Variants in SH3GL3 observed in about 807,000 individuals in gnomAD.
SH3GL3 encodes endophilin-A3.
Under a neutral mutation model 47.7 loss-of-function variants are expected in SH3GL3, and 33 were observed. That is an observed-to-expected ratio of 0.69 (90% CI 0.52 to 0.92). SH3GL3 has a LOEUF of 0.92. Ranked by LOEUF, SH3GL3 falls within the 40% of genes least tolerant of loss-of-function variation. The pLI is 0.00. For missense variants in SH3GL3, 363 were observed against 417.8 expected (o/e 0.87, Z 1.14); for synonymous variants, 155 against 148.8 (o/e 1.04, Z -0.30).
rs774027877 is a variant in SH3GL3 at position 83,572,715 on chromosome 15, A to G, written c.465+17A>G. 7 of 1,561,422 alleles carry G rather than the reference A, an allele frequency of 4.5e-6. No homozygotes were observed. The Admixed American group carries it at 1.0e-4, about 23-fold the overall frequency. ...GAGATCGGGGTAAGTCTTCCAGGGT[A>G]TAAATATACCTGTTGCTACATAAGA... On this transcript the variant is annotated intron_variant, in intron 5 of 8. Coordinates refer to ENST00000427482, the MANE Select transcript of SH3GL3 (RefSeq NM_003027.5).
At chr15:83,460,356 C>G (rs1049561678) in intron 1 of SH3GL3, among the ~76,000 whole-genome samples, 2 of 151,932 alleles carry the variant, frequency 1.3e-5, no homozygotes, top group African/African-American at 4.8e-5. Flanking sequence ...TTCCACTGCT[C>G]AAGGTACTGG....
At chr15:83,631,650 G>A in the SH3GL3 span, among the ~76,000 whole-genome samples, 1 of 152,216 alleles carries the variant, frequency 6.6e-6, no homozygotes, top group South Asian at 2.1e-4. Flanking sequence ...GCCACAGCTG[G>A]AGCTGAAGCA....
intron 1 of SH3GL3, among the ~76,000 whole-genome samples, chr15:83,506,715 T>C (rs953098614): frequency 6.6e-6 from 1 of 152,190 alleles, no homozygotes; most frequent in Non-Finnish European, 1.5e-5. Flanking sequence ...AAAAATTTTG[T>C]AGGTTTCATT....
At chr15:83,602,072 G>T (rs1419266846) in intron 8 of SH3GL3, among the ~76,000 whole-genome samples, 1 of 152,106 alleles carries the variant, frequency 6.6e-6, no homozygotes, top group Admixed American at 6.5e-5. Flanking sequence ...TCTCTCAGGG[G>T]TCTAGGCTGA....
rs1394549380 is a variant in SH3GL3, at chr15:83,579,447, A to G, written c.624+2706A>G. Reference sequence around the variant, plus strand: ...CTGCCATTGAGGTGGGAGGAGACCAACGTTATGAAACGGAGATGGGCCGCC... The same window carrying G: ...CTGCCATTGAGGTGGGAGGAGACCAGCGTTATGAAACGGAGATGGGCCGCC... On this transcript the variant is annotated intron_variant, in intron 6 of 8. Coordinates refer to ENST00000427482, the MANE Select transcript of SH3GL3 (RefSeq NM_003027.5). Among the ~76,000 whole-genome samples the G allele has an allele frequency of 3.9e-5, 6 of 152,272 alleles. No individual in the cohort carries two copies. The South Asian group carries it at 6.2e-4, about 16-fold the overall frequency.
intron 1 of SH3GL3, among the ~76,000 whole-genome samples, chr15:83,500,254 A>G (rs528628161): frequency 6.6e-6 from 1 of 152,326 alleles, no homozygotes; most frequent in East Asian, 1.9e-4. Flanking sequence ...CTACTTGGAA[A>G]TTTGAGATAA....
At chr15:83,596,658 CG>C (rs2060244548) in intron 8 of SH3GL3, among the ~76,000 whole-genome samples, 2 of 152,064 alleles carry the variant, frequency 1.3e-5, no homozygotes, top group Admixed American at 1.3e-4. Flanking sequence ...TTTTAAGATA[CG>C]GGGTTTTGCC....
intron 1 of SH3GL3, among the ~76,000 whole-genome samples, chr15:83,484,905 CAAT>C (rs1361804012): frequency 6.6e-6 from 1 of 152,156 alleles, no homozygotes; most frequent in African/African-American, 2.4e-5. Flanking sequence ...TTGCGAACAA[CAAT>C]GTGTCTTAAT....
chr15:83,457,906 A>G (rs1345213088), intron 1 of SH3GL3, among the ~76,000 whole-genome samples: 4 of 152,370 alleles, frequency 2.6e-5, no homozygotes, highest in South Asian at 2.1e-4. Context: ...AACTCATGGT[A>G]TCACTTGGAA....
At chr15:83,473,268 C>T (rs1041409201) in intron 1 of SH3GL3, among the ~76,000 whole-genome samples, 2 of 151,324 alleles carry the variant, frequency 1.3e-5, no homozygotes, top group African/African-American at 4.9e-5. Context: ...TATGGGTCTA[C>T]TTGGCCTTCT....
rs948180262 is a variant in SH3GL3 at position 83,447,945 on chromosome 15, C to T, written c.45+367C>T. ...ACAGGGAGTACGATGCCGGCAGGGC[C>T]TCCCCCGAGTCTCCAGCCGTTTGGT... On this transcript the variant is annotated intron_variant, in intron 1 of 8. Transcript: ENST00000427482. The surrounding 1 kb of genome is among the most constrained non-coding windows in gnomAD (Gnocchi z 5.1). 1.3e-5 allele frequency among the ~76,000 whole-genome samples: 2 copies of T among 152,096 alleles called. No individual in the cohort carries two copies. Among genetic ancestry groups the T allele is most frequent in the Non-Finnish European group, 2.9e-5 (2 of 68,008 alleles).
chr15:83,613,366 C>A (rs2060722221), intron 8 of SH3GL3, among the ~76,000 whole-genome samples: 1 of 152,154 alleles, frequency 6.6e-6, no homozygotes, highest in Non-Finnish European at 1.5e-5. Context: ...GGTCTCTTTC[C>A]AGCTCTCAGA....
chr15:83,497,432 G>A (rs567248113), intron 1 of SH3GL3, among the ~76,000 whole-genome samples: 7 of 152,294 alleles, frequency 4.6e-5, no homozygotes, highest in Admixed American at 6.5e-5. Flanking sequence ...TAAATATGGA[G>A]GGCTATGTAA....
chr15:83,604,519 A>G (rs760990618), intron 8 of SH3GL3, among the ~76,000 whole-genome samples: 5 of 152,232 alleles, frequency 3.3e-5, no homozygotes, highest in Non-Finnish European at 1.5e-5. Flanking sequence ...GAGGGCCAAC[A>G]GTATGCCAGG....
intron 1 of SH3GL3, among the ~76,000 whole-genome samples, chr15:83,449,117 C>T (rs1467824101): frequency 6.6e-6 from 1 of 152,178 alleles, no homozygotes; most frequent in Non-Finnish European, 1.5e-5. Context: ...GAGTTAAAGG[C>T]AGACTCTAGA....
In SH3GL3 at chr15:83,572,660, C is replaced by T; in HGVS notation, c.427C>T (p.Leu143Phe). ...TGTAAAGCAAACTTTTATTGATCCA[C>T]TTCAGTTACTACAAGATAAAGATTT... ...INVKQTFIDP[L>F]QLLQDKDLKE... The change falls in exon 5 of 9, where the codon CTT becomes TTT. Residue 143 changes from leucine to phenylalanine, a missense_variant. By Grantham distance (22) the Leu-to-Phe change is conservative. Coordinates refer to ENST00000427482, the MANE Select transcript of SH3GL3 (RefSeq NM_003027.5). 5 of 1,610,508 alleles carry T rather than the reference C, an allele frequency of 3.1e-6. No individual in the cohort carries two copies. Among genetic ancestry groups the T allele is most frequent in the Non-Finnish European group, 4.2e-6 (5 of 1,176,734 alleles).
chr15:83,612,613 C>A (rs935769129), intron 8 of SH3GL3, among the ~76,000 whole-genome samples: 1 of 152,210 alleles, frequency 6.6e-6, no homozygotes, highest in South Asian at 2.1e-4. Flanking sequence ...TGCCTTCTCC[C>A]GGGATTTCTG....
chr15:83,449,388 A>G (rs2039622042), intron 1 of SH3GL3, among the ~76,000 whole-genome samples: 1 of 152,226 alleles, frequency 6.6e-6, no homozygotes, highest in Non-Finnish European at 1.5e-5. Flanking sequence ...TGAGCAGAGC[A>G]GAGCAGAGCA....
chr15:83,501,673 C>G (rs1596121820), intron 1 of SH3GL3, among the ~76,000 whole-genome samples: 1 of 152,138 alleles, frequency 6.6e-6, no homozygotes, highest in Non-Finnish European at 1.5e-5. Context: ...AGGCAGATCA[C>G]CTGAGGTCAG....
Sources: allele counts gnomAD v4.1 joint callset (sites outside exome capture counted in the v4.1 genomes callset), GRCh38; gene constraint gnomAD v4.1.1; non-coding constraint Gnocchi (gnomAD v3.1); transcripts MANE v1.5; gene names NCBI Gene and HGNC (gene_info 2026-07-23, HGNC 2026-07-21).